NCOA7: variants seen among roughly 807,000 people sequenced by gnomAD.
NCOA7 encodes the protein nuclear receptor coactivator 7.
In NCOA7, 45 loss-of-function variants were observed where a neutral mutation model predicts 104.3. The observed-to-expected ratio is 0.43, with a 90% CI of 0.34 to 0.55. NCOA7 has a LOEUF of 0.55. NCOA7 is among the 20% of genes least tolerant of loss of function. NCOA7 has a pLI of 0.02. For synonymous variants in NCOA7, 398 were observed against 402.3 expected (o/e 0.99, Z 0.13); for missense variants, 1,041 against 1,119.7 (o/e 0.93, Z 1.00).
chr6:125,836,713 T>C (rs1779633592), intron 2 of NCOA7, among the ~76,000 whole-genome samples: 1 of 152,166 alleles, frequency 6.6e-6, no homozygotes, highest in African/African-American at 2.4e-5. Context: ...TTAAAAGGAA[T>C]GCCTGGGAGC....
chr6:125,801,593 A>G (rs1775890106), intron 1 of NCOA7, among the ~76,000 whole-genome samples: 2 of 152,322 alleles, frequency 1.3e-5, no homozygotes, highest in East Asian at 1.9e-4. Context: ...TTCAAAATCA[A>G]GGTGTCAGCA....
At chr6:125,902,481 G>GT (rs77836389) in intron 10 of NCOA7, among the ~76,000 whole-genome samples, 5,203 of 144,068 alleles carry the variant, frequency 0.036, 251 homozygotes, top group African/African-American at 0.11. Flanking sequence ...TCATAGCCAT[G>GT]TTTTTTTTTT....
intron 1 of NCOA7, among the ~76,000 whole-genome samples, chr6:125,795,213 C>T (rs1297822271): frequency 1.3e-5 from 2 of 152,074 alleles, no homozygotes; most frequent in Admixed American, 6.5e-5. Context: ...GTCTGGTAGC[C>T]TTTGGCATAA....
chr6:125,847,684 C>T (rs918140199), intron 2 of NCOA7, among the ~76,000 whole-genome samples: 2 of 152,110 alleles, frequency 1.3e-5, no homozygotes, highest in Non-Finnish European at 2.9e-5. Context: ...AATGTCAGAC[C>T]TAAAACCATA....
chr6:125,829,722 C>T (rs1778990926), intron 2 of NCOA7, among the ~76,000 whole-genome samples: 1 of 152,046 alleles, frequency 6.6e-6, no homozygotes, highest in African/African-American at 2.4e-5. Flanking sequence ...GCTGTATAGT[C>T]ATATCATATG....
intron 3 of NCOA7, among the ~76,000 whole-genome samples, chr6:125,864,654 G>T (rs1782300553): frequency 7.3e-6 from 1 of 136,248 alleles, no homozygotes; most frequent in South Asian, 2.2e-4. Context: ...TCAGAGAGCT[G>T]CCTGGTTGAG....
chr6:125,890,049 A>G (rs1462289244), intron 9 of NCOA7, 68 bp downstream of exon 9: 29 of 1,160,664 alleles, frequency 2.5e-5, no homozygotes, highest in Non-Finnish European at 3.2e-5. Flanking sequence ...TTGCACATGT[A>G]ATACCCACAT....
chr6:125,918,153 T>C (rs1057124942), intron 11 of NCOA7, among the ~76,000 whole-genome samples: 1 of 152,212 alleles, frequency 6.6e-6, no homozygotes, highest in Admixed American at 6.5e-5. Flanking sequence ...GAGTTTGTGA[T>C]CCCAAGATTT....
chr6:125,860,550 G>A (rs1781958613), intron 3 of NCOA7, among the ~76,000 whole-genome samples: 1 of 152,118 alleles, frequency 6.6e-6, no homozygotes. Context: ...GTTTCACCAC[G>A]TTGGCCAGGC....
intron 10 of NCOA7, chr6:125,899,799 C>G (rs761906680): frequency 1.8e-4 from 41 of 225,056 alleles, no homozygotes; most frequent in Admixed American, 1.6e-3. Context: ...AACCACCCCC[C>G]AGTAACTTCA....
Position 125,885,193 on chromosome 6 carries a change from A to G in NCOA7, c.734A>G (p.Asn245Ser). Residue 245 changes from asparagine (N) to serine (S), a missense_variant, in exon 8 of 16, where the codon AAC becomes AGC. This residue lies in a region of NCOA7 where 914 missense variants were observed against 942.7 expected (regional missense o/e 0.97). Coordinates refer to ENST00000392477, the MANE Select transcript of NCOA7 (RefSeq NM_181782.5). The part of the protein sequence containing the change: ...VVGGVMIVTP[N>S]NIMFDPHKSD... ...GGCGGTGTTATGATAGTGACTCCTAACAACATCATGTTTGACCCTCATAAA... is the reference window on the plus strand; with the variant it reads ...GGCGGTGTTATGATAGTGACTCCTAGCAACATCATGTTTGACCCTCATAAA... 6.2e-7 allele frequency: 1 copy of G among 1,614,032 alleles called. No homozygotes were observed. The highest frequency in any genetic ancestry group is 8.5e-7 in the Non-Finnish European group (1 of 1,179,940).
chr6:125,837,067 A>C (rs539914662), intron 2 of NCOA7, among the ~76,000 whole-genome samples: 3 of 152,168 alleles, frequency 2.0e-5, no homozygotes. Flanking sequence ...AATTAGATAA[A>C]TGTTGAGTGA....
chr6:125,914,245 A>G (rs1473196952), intron 10 of NCOA7, among the ~76,000 whole-genome samples: 1 of 152,262 alleles, frequency 6.6e-6, no homozygotes, highest in East Asian at 1.9e-4. Flanking sequence ...ATTATGGTTT[A>G]TTAACTTCAT....
Position 125,837,604 on chromosome 6 carries a change from T to G in NCOA7, c.51-17416T>G, listed in dbSNP as rs200959216. ...GTCCTTACCTTTTCCCCTTCTTTCC[T>G]TTTAGGTTTATTTTCTTCTATTTCT... On this transcript the variant is annotated intron_variant, in intron 2 of 15. Coordinates refer to ENST00000392477, the MANE Select transcript of NCOA7 (RefSeq NM_181782.5). 1.4e-4 allele frequency among the ~76,000 whole-genome samples: 21 copies of G among 152,238 alleles called. No individual in the cohort carries two copies. The East Asian group carries it at 3.5e-3, about 25-fold the overall frequency.
intron 2 of NCOA7, among the ~76,000 whole-genome samples, chr6:125,835,665 G>A (rs1025177595): frequency 2.0e-5 from 3 of 152,208 alleles, no homozygotes; most frequent in South Asian, 2.1e-4. Context: ...ACTTAGAGCC[G>A]GTGCTAGGTT....
intron 10 of NCOA7, among the ~76,000 whole-genome samples, chr6:125,906,018 G>T (rs1785964514): frequency 6.6e-6 from 1 of 152,190 alleles, no homozygotes; most frequent in East Asian, 1.9e-4. Flanking sequence ...GGCCAGGGTG[G>T]TCTCAAACTC....
intron 3 of NCOA7, among the ~76,000 whole-genome samples, chr6:125,872,866 A>C (rs941462905): frequency 3.9e-5 from 6 of 152,338 alleles, no homozygotes; most frequent in African/African-American, 1.4e-4. Flanking sequence ...GCCTGTAGGC[A>C]GGGAGATCAT....
upstream of NCOA7, among the ~76,000 whole-genome samples, chr6:125,789,558 T>C (rs999330013): frequency 6.6e-6 from 1 of 152,140 alleles, no homozygotes; most frequent in Non-Finnish European, 1.5e-5. Flanking sequence ...CCTTACTAAA[T>C]GCTAAACAAT....
intron 10 of NCOA7, among the ~76,000 whole-genome samples, chr6:125,908,011 G>C (rs1411162916): frequency 6.6e-6 from 1 of 152,128 alleles, no homozygotes; most frequent in East Asian, 1.9e-4. Context: ...TCCCAAGAAA[G>C]CCTGTGCTTA....
Sources: allele counts gnomAD v4.1 joint callset (sites outside exome capture counted in the v4.1 genomes callset), GRCh38; gene constraint gnomAD v4.1.1; regional missense constraint gnomAD v4.1.1; transcripts MANE v1.5; gene names NCBI Gene and HGNC (gene_info 2026-07-23, HGNC 2026-07-21).